CHST6: variants seen among roughly 807,000 people sequenced by gnomAD.
CHST6 encodes the protein N-acetylglucosamine 6-O-sulfotransferase 5.
For missense variants in CHST6, 698 were observed against 586.2 expected, an observed-to-expected ratio of 1.19 and a Z score of -1.97; for synonymous variants, 309 against 276.4, an observed-to-expected ratio of 1.12 and a Z score of -1.17.
chr16:75,481,999 C>A, intron 1 of CHST6, 108 bp from the exon 2 acceptor site: 1 of 387,076 alleles, frequency 2.6e-6, no homozygotes, highest in Non-Finnish European at 5.1e-6. Flanking sequence ...ATGGGATGTG[C>A]AACATTTAAC....
chr16:75,482,971 G>A (rs2151668459), intron 1 of CHST6, among the ~76,000 whole-genome samples: 1 of 152,346 alleles, frequency 6.6e-6, no homozygotes, highest in Admixed American at 6.5e-5. Flanking sequence ...CAGTGCCAGT[G>A]GGCTGACGAT....
intron 2 of CHST6, among the ~76,000 whole-genome samples, chr16:75,481,258 A>G (rs2080138744): frequency 6.6e-6 from 1 of 152,100 alleles, no homozygotes; most frequent in Non-Finnish European, 1.5e-5. Flanking sequence ...CTTGGGCGAT[A>G]GAGTGAGACT....
intron 1 of CHST6, among the ~76,000 whole-genome samples, chr16:75,486,523 C>T (rs920118927): frequency 1.3e-5 from 2 of 152,252 alleles, no homozygotes; most frequent in Non-Finnish European, 2.9e-5. Flanking sequence ...ACCCTGCCCC[C>T]CCAGCCCACA....
intron 1 of CHST6, among the ~76,000 whole-genome samples, chr16:75,489,534 G>A (rs889876067): frequency 1.3e-5 from 2 of 151,796 alleles, no homozygotes; most frequent in African/African-American, 4.9e-5. Flanking sequence ...GTGGAAAACA[G>A]AAGTAACAAA....
intron 1 of CHST6, among the ~76,000 whole-genome samples, chr16:75,485,105 G>T (rs1162800249): frequency 6.6e-6 from 1 of 152,102 alleles, no homozygotes; most frequent in East Asian, 1.9e-4. Context: ...TGATGAAAAT[G>T]ATCATATTTT....
rs2080057493 is a variant in CHST6 at position 75,475,526 on chromosome 16, C to T, written c.*3115G>A. On this transcript the variant is annotated 3_prime_UTR_variant, in exon 3 of 3. Transcript: ENST00000332272. ...GGCAGTCCCCAGTGATTAAACCTTC[C>T]TGTTGGGACTGCACTCTCACAGAGA... The T allele has an allele frequency of 6.6e-6, 1 of 152,284 alleles. No homozygotes were observed. The highest frequency in any genetic ancestry group is 1.5e-5 in the Non-Finnish European group (1 of 68,092). The allele number at this position is 152,284 out of a possible 1,614,324, so 9.4% of individuals were successfully genotyped here.
intron 1 of CHST6, among the ~76,000 whole-genome samples, chr16:75,485,452 G>A (rs1008922597): frequency 1.3e-5 from 2 of 152,118 alleles, no homozygotes; most frequent in Admixed American, 1.3e-4. Context: ...GCAACAGAGT[G>A]TGACCCTCTT....
At chr16:75,487,768 C>A (rs1288055644) in intron 1 of CHST6, among the ~76,000 whole-genome samples, 2 of 141,124 alleles carry the variant, frequency 1.4e-5, no homozygotes, top group African/African-American at 5.4e-5. Flanking sequence ...CACTGCACTC[C>A]AGCCTGGGTG....
At chr16:75,494,661 T>G (rs2080290530) in intron 1 of CHST6, among the ~76,000 whole-genome samples, 1 of 152,198 alleles carries the variant, frequency 6.6e-6, no homozygotes, top group South Asian at 2.1e-4. Context: ...CTTTTGAAAG[T>G]CATGTCCTTT....
chr16:75,491,180 AAAAAAAAAAAATATATAT>A (rs1485587748), intron 1 of CHST6, among the ~76,000 whole-genome samples: 7 of 81,682 alleles, frequency 8.6e-5, no homozygotes, highest in African/African-American at 3.5e-4. Context: ...AAAAAAAAAA[AAAAAAAAAAAATATATAT>A]ATATATATAT....
intron 1 of CHST6, among the ~76,000 whole-genome samples, chr16:75,492,434 T>C (rs1419778609): frequency 1.3e-5 from 2 of 152,268 alleles, no homozygotes; most frequent in African/African-American, 4.8e-5. Context: ...AGCCCTCTCA[T>C]TACAGAGATA....
rs745660697 is a variant in CHST6 at position 75,478,799 on chromosome 16, G to A, written c.1030C>T (p.Arg344Cys). 11 of 1,613,498 alleles carry A rather than the reference G, an allele frequency of 6.8e-6. No homozygotes were observed. In the East Asian group the frequency reaches 2.2e-4, roughly 33 times the overall value. Reference sequence around the variant, plus strand: ...GCACCAGCGCACAGTTCCTGCACGCGGCGGATCTTGGCAAAGGGCAGCGCA... The same window carrying A: ...GCACCAGCGCACAGTTCCTGCACGCAGCGGATCTTGGCAAAGGGCAGCGCA... Reference protein sequence around the residue: ...RHALPFAKIRRVQELCAGALQ... With the variant: ...RHALPFAKIRCVQELCAGALQ... Residue 344 changes from arginine (R) to cysteine (C), a missense_variant, in exon 3 of 3, where the codon CGC becomes TGC. Arg to Cys is a radical substitution (Grantham distance 180). Coordinates refer to ENST00000332272, the MANE Select transcript of CHST6 (RefSeq NM_021615.5).
chr16:75,482,601 G>C lies in CHST6; in HGVS notation c.-91-710C>G, dbSNP rs929718283. ...ACAGGGTGGAAGGAACACTGAGCCA[G>C]CTTCCCGCATTCCAAGGTCCCAAAG... On this transcript the variant is annotated intron_variant, in intron 1 of 2. Transcript: ENST00000332272. 4.6e-5 allele frequency among the ~76,000 whole-genome samples: 7 copies of C among 152,158 alleles called. No individual in the cohort carries two copies. The South Asian group carries it at 8.3e-4, about 18-fold the overall frequency.
intron 1 of CHST6, among the ~76,000 whole-genome samples, chr16:75,488,476 A>C (rs956984528): frequency 7.2e-6 from 1 of 138,504 alleles, no homozygotes; most frequent in East Asian, 2.1e-4. Context: ...TCACAAGGAG[A>C]AAAAAAAAAA....
chr16:75,485,764 T>C (rs1328182927), intron 1 of CHST6, among the ~76,000 whole-genome samples: 3 of 152,202 alleles, frequency 2.0e-5, no homozygotes, highest in Non-Finnish European at 4.4e-5. Context: ...CTGGCAGAGC[T>C]GACAATCAAG....
rs1289580411 is a variant in CHST6, at chr16:75,479,523, G to T, written c.306C>A (p.Cys102Ter). The T allele has an allele frequency of 6.2e-7, 1 of 1,612,872 alleles. No homozygotes were observed. Among genetic ancestry groups the T allele is most frequent in the Admixed American group, 1.7e-5 (1 of 60,020 alleles). Reference sequence around the variant, plus strand: ...GATAGGCATCAAACACGTCCATGTCGCACAGGAAGACGGAGCGCACCAGGT... The same window carrying T: ...GATAGGCATCAAACACGTCCATGTCTCACAGGAAGACGGAGCGCACCAGGT... ...VRDLVRSVFL[C>*]DMDVFDAYLP... The change falls in exon 3 of 3, where the codon TGC (cysteine) becomes TGA (stop). Residue 102 changes from cysteine to a stop codon, truncating the protein, a stop_gained. Coordinates refer to ENST00000332272, the MANE Select transcript of CHST6 (RefSeq NM_021615.5). LOFTEE classifies it low-confidence loss of function (END_TRUNC).
intron 1 of CHST6, among the ~76,000 whole-genome samples, chr16:75,487,830 G>C (rs371370258): frequency 8.1e-6 from 1 of 123,998 alleles, no homozygotes; most frequent in African/African-American, 2.9e-5. Flanking sequence ...AAAAAAAAAA[G>C]AGAAAAAATA....
intron 1 of CHST6, among the ~76,000 whole-genome samples, chr16:75,485,321 C>G (rs908485956): frequency 1.3e-5 from 2 of 152,298 alleles, no homozygotes. Flanking sequence ...TGCCTGGAGG[C>G]CAGGCACGGT....
At position 75,474,780 on chromosome 16, in the gene CHST6, C is replaced by T. The variant is rs2080049752; in HGVS notation, c.*3861G>A. On this transcript the variant is annotated 3_prime_UTR_variant, in exon 3 of 3. Transcript: ENST00000332272. ...TTAAAAGGCACCACTCTCAGGATAA[C>T]CAACTCACTCCTGAAATAATGGTGG... The T allele has an allele frequency of 1.3e-5, 5 of 398,156 alleles. No individual in the cohort carries two copies. The highest frequency in any genetic ancestry group is 7.1e-5 in the East Asian group (2 of 28,076). The allele number at this position is 398,156 out of a possible 1,614,324, so 24.7% of individuals were successfully genotyped here. A position where few individuals can be genotyped will look rare whatever the true frequency, so the allele number is the denominator to read the frequency against.
Sources: gnomAD v4.1 joint callset for allele counts (sites outside exome capture counted in the v4.1 genomes callset) on GRCh38, gnomAD v4.1.1 for gene constraint, MANE v1.5 for transcripts, NCBI Gene and HGNC (gene_info 2026-07-23, HGNC 2026-07-21) for gene names.